The following C1QTNF6 variants were observed in gnomAD, a reference collection of about 807,000 sequenced individuals.
The protein encoded by C1QTNF6 is complement C1q tumor necrosis factor-related protein 6.
C1QTNF6 carries 17 observed loss-of-function variants against 20.7 expected under a neutral mutation model. The observed-to-expected ratio is 0.82, with a 90% CI of 0.56 to 1.23. The LOEUF (loss-of-function observed/expected upper bound fraction) is 1.23. Ranked by LOEUF, C1QTNF6 falls within the 50% of genes most tolerant of loss-of-function variation. The pLI, the probability that C1QTNF6 is intolerant of heterozygous loss-of-function variation, is 0.00. For synonymous variants in C1QTNF6, 130 were observed against 156.3 expected, an observed-to-expected ratio of 0.83 and a Z score of 1.25; for missense variants, 329 against 389.7, an observed-to-expected ratio of 0.84 and a Z score of 1.31.
intron 1 of C1QTNF6, 86 bp from the exon 2 acceptor site, chr22:37,185,541 T>A: frequency 2.8e-6 from 4 of 1,440,108 alleles, no homozygotes; most frequent in Non-Finnish European, 3.6e-6. Flanking sequence ...TGCTGCGTCC[T>A]CCAGCCACAG....
chr22:37,194,188 C>T (rs912280049), intron 2 of C1QTNF6, among the ~76,000 whole-genome samples: 1 of 152,178 alleles, frequency 6.6e-6, no homozygotes, highest in African/African-American at 2.4e-5. Context: ...CAGGGACCTG[C>T]CGCCAAGTTT....
At chr22:37,188,073 C>T (rs2145773251) in intron 1 of C1QTNF6, 90 bp downstream of exon 1, 1 of 1,375,874 alleles carries the variant, frequency 7.3e-7, no homozygotes, top group East Asian at 2.5e-5. Flanking sequence ...GAGAGCAGGG[C>T]CCGAGATGCT....
At chr22:37,194,441 A>G (rs749345207) in intron 2 of C1QTNF6, among the ~76,000 whole-genome samples, 2 of 152,212 alleles carry the variant, frequency 1.3e-5, no homozygotes, top group African/African-American at 4.8e-5. Flanking sequence ...AGTTTGCACC[A>G]AGAGAGGCCA....
At chr22:37,191,250 TATA>T (rs1924804105), upstream of C1QTNF6, among the ~76,000 whole-genome samples, 1 of 152,184 alleles carries the variant, frequency 6.6e-6, no homozygotes. Context: ...CTCTGTGGCA[TATA>T]ATAAATTAAC....
chr22:37,182,830 G>A (rs1451149005), intron 2 of C1QTNF6, 95 bp from the exon 3 acceptor site: 1 of 1,459,446 alleles, frequency 6.9e-7, no homozygotes. Flanking sequence ...CCCCTGTCCT[G>A]GCCCAGAGAA....
At chr22:37,188,479 A>G, upstream of C1QTNF6, 1 of 381,506 alleles carries the variant, frequency 2.6e-6, no homozygotes, top group Admixed American at 4.6e-5. Flanking sequence ...TCAAAGGCCT[A>G]GAAAGTCAGA....
intron 2 of C1QTNF6, among the ~76,000 whole-genome samples, chr22:37,194,485 C>T (rs1240560782): frequency 6.6e-6 from 1 of 152,186 alleles, no homozygotes; most frequent in Admixed American, 6.5e-5. Context: ...TTACCCTTTG[C>T]CAGCATGCCA....
At chr22:37,197,435 A>G (rs965833894) in intron 1 of C1QTNF6, 2 of 152,324 alleles carry the variant, frequency 1.3e-5, no homozygotes, top group Admixed American at 6.5e-5. Context: ...AGAACCATCA[A>G]TGGGACTTGG....
intron 2 of C1QTNF6, among the ~76,000 whole-genome samples, chr22:37,183,525 G>A (rs1471546140): frequency 1.3e-5 from 2 of 152,260 alleles, no homozygotes; most frequent in Admixed American, 6.5e-5. Flanking sequence ...AAAAGCAGGT[G>A]ACCACCCACG....
In C1QTNF6 at chr22:37,184,362, G is replaced by C; in HGVS notation, c.289+856C>G. Reference sequence around the variant, plus strand: ...CTCACGGGCTGTTGTGGGCAGAGACGGACGCTAAGGATGTCAAGGCCTGGT... The same window carrying C: ...CTCACGGGCTGTTGTGGGCAGAGACCGACGCTAAGGATGTCAAGGCCTGGT... On this transcript the variant is annotated intron_variant, in intron 2 of 2. Transcript: ENST00000337843. The surrounding 1 kb of genome is among the most constrained non-coding windows in gnomAD (Gnocchi z 4.0). 1.4e-6 allele frequency: 1 copy of C among 717,258 alleles called. No individual in the cohort carries two copies. Among genetic ancestry groups the C allele is most frequent in the Non-Finnish European group, 2.6e-6 (1 of 385,034 alleles). 44.4% of individuals were successfully genotyped at this position (717,258 alleles called of 1,614,324 possible). A position where few individuals can be genotyped will look rare whatever the true frequency, so the allele number is the denominator to read the frequency against.
At chr22:37,194,173 T>C (rs779588437) in intron 2 of C1QTNF6, among the ~76,000 whole-genome samples, 1 of 152,200 alleles carries the variant, frequency 6.6e-6, no homozygotes, top group Non-Finnish European at 1.5e-5. Flanking sequence ...ATCTAGTTTT[T>C]GTTTCAGGGA....
intron 1 of C1QTNF6, among the ~76,000 whole-genome samples, chr22:37,186,661 C>T (rs998059058): frequency 3.9e-5 from 6 of 152,062 alleles, no homozygotes; most frequent in Admixed American, 1.3e-4. Context: ...GGCAGGAAGC[C>T]GGGCAAAAAG....
Position 37,182,451 on chromosome 22 carries a change from A to T in C1QTNF6, c.574T>A (p.Phe192Ile), listed in dbSNP as rs765109174. 6.2e-7 allele frequency: 1 copy of T among 1,614,276 alleles called. No individual in the cohort carries two copies. The highest frequency in any genetic ancestry group is 1.1e-5 in the South Asian group (1 of 91,092). ...CAGCTGTGCACATTGAGGCTGAAGA[A>T]GTAGATGCCACGCAGGGGAGCAGCA... Reference protein sequence around the residue: ...QFAAPLRGIYFFSLNVHSWNY... With the variant: ...QFAAPLRGIYIFSLNVHSWNY... The change falls in exon 3 of 3, where the codon TTC becomes ATC. Residue 192 changes from phenylalanine (F) to isoleucine (I), a missense_variant. Coordinates refer to ENST00000337843, the MANE Select transcript of C1QTNF6 (RefSeq NM_031910.4).
chr22:37,183,161 G>T (rs1601626137), intron 2 of C1QTNF6, among the ~76,000 whole-genome samples: 1 of 152,232 alleles, frequency 6.6e-6, no homozygotes, highest in East Asian at 1.9e-4. Context: ...CTGACCCAGG[G>T]AAGAAACCAA....
intron 2 of C1QTNF6, among the ~76,000 whole-genome samples, chr22:37,194,372 C>T (rs1462660217): frequency 6.6e-6 from 1 of 152,108 alleles, no homozygotes; most frequent in Non-Finnish European, 1.5e-5. Context: ...AATTCTTTTT[C>T]GTATTAATCA....
upstream of C1QTNF6, chr22:37,199,196 A>G (rs1205098042): frequency 6.6e-6 from 1 of 152,290 alleles, no homozygotes; most frequent in East Asian, 1.9e-4. Flanking sequence ...TTCTCCCTGC[A>G]AAACGAAGGC....
intron 1 of C1QTNF6, among the ~76,000 whole-genome samples, chr22:37,187,308 T>C (rs1439654836): frequency 1.3e-5 from 2 of 152,166 alleles, no homozygotes; most frequent in African/African-American, 4.8e-5. Flanking sequence ...CTTTTACTTA[T>C]AAATGACAAA....
At chr22:37,185,895 C>A in intron 1 of C1QTNF6, 1 of 987,076 alleles carries the variant, frequency 1.0e-6, no homozygotes, top group Non-Finnish European at 1.2e-6. Context: ...TTCTTGCCAC[C>A]GACTCCACTA....
At chr22:37,198,594 C>A (rs1016893253), upstream of C1QTNF6, among the ~76,000 whole-genome samples, 2 of 152,230 alleles carry the variant, frequency 1.3e-5, no homozygotes, top group Non-Finnish European at 2.9e-5. Context: ...TCTAACTGTT[C>A]AAGCGCAGAG....
Sources: gnomAD v4.1 joint callset for allele counts (sites outside exome capture counted in the v4.1 genomes callset) on GRCh38, gnomAD v4.1.1 for gene constraint, Gnocchi (gnomAD v3.1) non-coding constraint, MANE v1.5 for transcripts, NCBI Gene and HGNC (gene_info 2026-07-23, HGNC 2026-07-21) for gene names.